The following MIPOL1 variants were observed in gnomAD, a reference collection of about 807,000 sequenced individuals.
The protein encoded by MIPOL1 is mirror-image polydactyly gene 1 protein.
MIPOL1 carries 57 observed loss-of-function variants against 60.9 expected under a neutral mutation model. That is an observed-to-expected ratio of 0.94 (90% confidence interval 0.76 to 1.17). MIPOL1 has a LOEUF of 1.17. Ranked by LOEUF, MIPOL1 falls within the 50% of genes most tolerant of loss-of-function variation. The pLI is 0.00. For synonymous variants in MIPOL1, 179 were observed against 168.8 expected (o/e 1.06, Z -0.47); for missense variants, 551 against 511.6 (o/e 1.08, Z -0.74).
At chr14:37,205,793 T>C (rs1190110360) in intron 1 of MIPOL1, among the ~76,000 whole-genome samples, 1 of 152,192 alleles carries the variant, frequency 6.6e-6, no homozygotes, top group Non-Finnish European at 1.5e-5. Context: ...GCAAAGGACA[T>C]GATCTCATGC....
At chr14:37,511,556 A>G (rs1196018341) in intron 12 of MIPOL1, among the ~76,000 whole-genome samples, 1 of 152,190 alleles carries the variant, frequency 6.6e-6, no homozygotes, top group African/African-American at 2.4e-5. Context: ...AGATGTTTTT[A>G]TTATTCATGA....
chr14:37,229,472 A>G (rs935782799), intron 1 of MIPOL1, among the ~76,000 whole-genome samples: 4 of 152,146 alleles, frequency 2.6e-5, no homozygotes, highest in Non-Finnish European at 5.9e-5. Flanking sequence ...TTTTGCCACT[A>G]AGACTAAACT....
intron 9 of MIPOL1, among the ~76,000 whole-genome samples, chr14:37,313,209 A>T (rs549743866): frequency 6.6e-6 from 1 of 152,314 alleles, no homozygotes; most frequent in African/African-American, 2.4e-5. Context: ...CTAGGCTTAG[A>T]AGCACAATTG....
At chr14:37,228,531 A>G (rs1209438742) in intron 1 of MIPOL1, among the ~76,000 whole-genome samples, 2 of 152,030 alleles carry the variant, frequency 1.3e-5, no homozygotes, top group African/African-American at 4.8e-5. Flanking sequence ...GTTTATTGCT[A>G]GGGTCTAGGG....
chr14:37,530,385 C>T (rs774666683), intron 12 of MIPOL1, among the ~76,000 whole-genome samples: 1 of 151,738 alleles, frequency 6.6e-6, no homozygotes, highest in African/African-American at 2.4e-5. Flanking sequence ...ATATAAAACT[C>T]ATCAAAATTG....
chr14:37,328,673 T>C (rs1322812701), intron 9 of MIPOL1, among the ~76,000 whole-genome samples: 1 of 152,190 alleles, frequency 6.6e-6, no homozygotes, highest in Non-Finnish European at 1.5e-5. Flanking sequence ...TTTGGAGTAG[T>C]GCTTGTCCCT....
Position 37,547,148 on chromosome 14 carries a change from G to A in MIPOL1, c.*177G>A. 1 of 567,474 alleles carries A rather than the reference G, an allele frequency of 1.8e-6. No homozygotes were observed. The highest frequency in any genetic ancestry group is 3.1e-6 in the Non-Finnish European group (1 of 318,764). 35.2% of individuals were successfully genotyped at this position (567,474 alleles called of 1,614,324 possible). A position where few individuals can be genotyped will look rare whatever the true frequency, so the allele number is the denominator to read the frequency against. ...ACAAATGTTTAACCACTTTGCTGCT[G>A]ACTTGAGTTATTTATCCAAATATAT... is the stretch of plus-strand genomic sequence containing the variant. On this transcript the variant is annotated 3_prime_UTR_variant, in exon 13 of 13. Transcript: ENST00000684589.
chr14:37,212,995 C>G (rs1966952752), intron 1 of MIPOL1, among the ~76,000 whole-genome samples: 1 of 152,130 alleles, frequency 6.6e-6, no homozygotes, highest in Non-Finnish European at 1.5e-5. Context: ...TGTGAGTCTG[C>G]AAGAACCACA....
At chr14:37,234,134 T>A (rs563414915) in intron 1 of MIPOL1, among the ~76,000 whole-genome samples, 1 of 152,306 alleles carries the variant, frequency 6.6e-6, no homozygotes, top group African/African-American at 2.4e-5. Flanking sequence ...ACCCATCGGG[T>A]AGAAAGTTTG....
intron 10 of MIPOL1, among the ~76,000 whole-genome samples, chr14:37,397,249 G>T (rs1356916749): frequency 6.6e-6 from 1 of 151,970 alleles, no homozygotes; most frequent in African/African-American, 2.4e-5. Context: ...TCTTTTTACT[G>T]GGTCTTGCCA....
intron 6 of MIPOL1, among the ~76,000 whole-genome samples, chr14:37,282,660 C>G (rs1473824688): frequency 6.7e-6 from 1 of 149,808 alleles, no homozygotes; most frequent in Non-Finnish European, 1.5e-5. Flanking sequence ...CTTGGTGAAA[C>G]CCCGCTGGAG....
intron 11 of MIPOL1, among the ~76,000 whole-genome samples, chr14:37,471,657 A>G (rs751529593): frequency 6.6e-5 from 10 of 152,138 alleles, no homozygotes; most frequent in Non-Finnish European, 1.3e-4. Context: ...GGAAGATTCT[A>G]TGTGATCTGA....
intron 1 of MIPOL1, among the ~76,000 whole-genome samples, chr14:37,204,169 CT>C (rs1220762192): frequency 2.0e-5 from 3 of 152,070 alleles, no homozygotes; most frequent in East Asian, 3.9e-4. Flanking sequence ...GACTGCACCC[CT>C]GGCTGACACT....
chr14:37,282,892 C>T (rs146554269), intron 6 of MIPOL1, among the ~76,000 whole-genome samples: 104 of 152,010 alleles, frequency 6.8e-4, no homozygotes, highest in Admixed American at 9.8e-4. Context: ...AATTTCATTA[C>T]ACTACTCAAA....
At chr14:37,222,182 T>C (rs1968895442) in intron 1 of MIPOL1, among the ~76,000 whole-genome samples, 1 of 151,598 alleles carries the variant, frequency 6.6e-6, no homozygotes, top group Non-Finnish European at 1.5e-5. Context: ...AAGGGATAAC[T>C]GGTCCCAATT....
intron 9 of MIPOL1, among the ~76,000 whole-genome samples, chr14:37,363,364 A>G (rs2092352482): frequency 6.6e-6 from 1 of 152,172 alleles, no homozygotes; most frequent in Non-Finnish European, 1.5e-5. Flanking sequence ...TCTAACAGTC[A>G]GGTCCCTCAG....
At chr14:37,281,802 A>C (rs963012402) in intron 6 of MIPOL1, among the ~76,000 whole-genome samples, 2 of 152,146 alleles carry the variant, frequency 1.3e-5, no homozygotes, top group Non-Finnish European at 2.9e-5. Context: ...ATTCCATATG[A>C]ATTTTAGATT....
intron 9 of MIPOL1, among the ~76,000 whole-genome samples, chr14:37,330,281 T>C (rs953957321): frequency 6.6e-6 from 1 of 152,140 alleles, no homozygotes; most frequent in Non-Finnish European, 1.5e-5. Context: ...ACATTTATTA[T>C]TGACTTTGAA....
At chr14:37,202,638 C>T (rs1965512418) in intron 1 of MIPOL1, among the ~76,000 whole-genome samples, 1 of 152,158 alleles carries the variant, frequency 6.6e-6, no homozygotes, top group Admixed American at 6.5e-5. Flanking sequence ...ATTTATGTGG[C>T]ACAAATATTT....
Sources: gnomAD v4.1 joint callset for allele counts (sites outside exome capture counted in the v4.1 genomes callset) on GRCh38, gnomAD v4.1.1 for gene constraint, MANE v1.5 for transcripts, NCBI Gene and HGNC (gene_info 2026-07-23, HGNC 2026-07-21) for gene names.